GAB4: variants seen among roughly 807,000 people sequenced by gnomAD.
The protein encoded by GAB4 is GRB2 associated binding protein family member 4, also known as GRB2-associated-binding protein 4.
A neutral mutation model predicts 51.3 loss-of-function variants in GAB4; 26 were observed. The observed-to-expected ratio is 0.51, with a 90% CI of 0.37 to 0.70. The LOEUF (loss-of-function observed/expected upper bound fraction) is 0.70, where lower values mean the gene tolerates loss of function less well. Ranked by LOEUF, GAB4 falls within the 30% of genes least tolerant of loss-of-function variation. The pLI is 0.00. For synonymous variants in GAB4, 329 were observed against 291.2 expected, an observed-to-expected ratio of 1.13 and a Z score of -1.32; for missense variants, 759 against 734.6, an observed-to-expected ratio of 1.03 and a Z score of -0.38.
chr22:16,978,127 G>A (rs976274322), intron 3 of GAB4, among the ~76,000 whole-genome samples: 10 of 151,950 alleles, frequency 6.6e-5, no homozygotes, highest in Non-Finnish European at 1.2e-4. Context: ...AAGAACTAGC[G>A]AAGCAAGAGC....
chr22:16,988,253 C>T, intron 2 of GAB4, 86 bp from the exon 3 acceptor site: 4 of 855,076 alleles, frequency 4.7e-6, no homozygotes, highest in Non-Finnish European at 7.8e-6. Flanking sequence ...GGCGGTAATC[C>T]AGCACCAGCA....
At chr22:16,977,876 C>T (rs1222290177) in intron 3 of GAB4, among the ~76,000 whole-genome samples, 1 of 152,214 alleles carries the variant, frequency 6.6e-6, no homozygotes, top group Non-Finnish European at 1.5e-5. Context: ...TTAAGAAACT[C>T]ACTCAAAAAT....
At chr22:16,988,713 A>G (rs2060889409) in intron 2 of GAB4, among the ~76,000 whole-genome samples, 1 of 152,150 alleles carries the variant, frequency 6.6e-6, no homozygotes, top group Non-Finnish European at 1.5e-5. Context: ...CACACTGTTC[A>G]TCTGGCTTGC....
At chr22:17,002,024 A>G (rs960142210) in intron 1 of GAB4, among the ~76,000 whole-genome samples, 1 of 152,126 alleles carries the variant, frequency 6.6e-6, no homozygotes, top group African/African-American at 2.4e-5. Context: ...GTGCAGTATT[A>G]GGGTGGGAGT....
intron 1 of GAB4, among the ~76,000 whole-genome samples, chr22:17,006,549 G>A (rs1569115180): frequency 3.3e-5 from 5 of 152,140 alleles, no homozygotes; most frequent in Admixed American, 3.3e-4. Context: ...ATAAAGACAA[G>A]TGCACCCGTA....
intron 2 of GAB4, among the ~76,000 whole-genome samples, chr22:16,990,297 C>T (rs1601279615): frequency 6.6e-6 from 1 of 152,344 alleles, no homozygotes; most frequent in African/African-American, 2.4e-5. Context: ...TCTTTCTCAT[C>T]ACCCCATACA....
intron 2 of GAB4, 30 bp downstream of exon 2, chr22:16,991,843 C>T: frequency 6.4e-7 from 1 of 1,564,824 alleles, no homozygotes; most frequent in African/African-American, 1.3e-5. Context: ...CTCAGCCCCT[C>T]CTGAGACAGG....
intron 3 of GAB4, among the ~76,000 whole-genome samples, chr22:16,972,288 G>A (rs1021866488): frequency 6.6e-6 from 1 of 152,206 alleles, no homozygotes; most frequent in Non-Finnish European, 1.5e-5. Context: ...CCTCCCTGGT[G>A]GTGGTCAAGA....
chr22:16,979,750 C>T lies in GAB4; in HGVS notation c.686+8210G>A, dbSNP rs9606555. On this transcript the variant is annotated intron_variant, in intron 3 of 9. Transcript: ENST00000400588. The stretch of plus-strand genomic sequence containing the variant: ...GAACAAACATGGAGGCATCATGCTA[C>T]CTGACTTAAAACTATACTATGAGGC... 3.7e-3 allele frequency among the ~76,000 whole-genome samples: 567 copies of T among 152,282 alleles called. 5 individuals carry two copies. The highest frequency in any genetic ancestry group is 0.022 in the South Asian group (107 of 4,818).
At chr22:16,998,960 T>C (rs1473210562) in intron 1 of GAB4, among the ~76,000 whole-genome samples, 2 of 152,232 alleles carry the variant, frequency 1.3e-5, no homozygotes, top group Non-Finnish European at 2.9e-5. Flanking sequence ...GTGTGTATGT[T>C]GAACCAGCCT....
intron 3 of GAB4, among the ~76,000 whole-genome samples, chr22:16,975,004 T>C (rs191140728): frequency 2.0e-5 from 3 of 152,250 alleles, no homozygotes; most frequent in Admixed American, 2.0e-4. Context: ...CCTATGGTCT[T>C]CACAACTCAC....
At chr22:16,993,448 C>G (rs1240950168) in intron 1 of GAB4, among the ~76,000 whole-genome samples, 3 of 152,192 alleles carry the variant, frequency 2.0e-5, no homozygotes, top group Non-Finnish European at 4.4e-5. Flanking sequence ...GTCCTACACT[C>G]TAGGACTCCT....
At position 16,966,338 on chromosome 22, in the gene GAB4, T is replaced by C. The variant is rs748266711; in HGVS notation, c.1050A>G (p.Ser350=). The C allele has an allele frequency of 1.4e-5, 23 of 1,613,136 alleles. No individual in the cohort carries two copies. Among genetic ancestry groups the C allele is most frequent in the South Asian group, 3.3e-5 (3 of 91,074 alleles). The change falls in exon 6 of 10, where the codon TCA becomes TCG. Residue 350 remains serine (S), a synonymous_variant. Transcript: ENST00000400588. ...FLPGRTLVGL[S]DSIASEGSCV... is the part of the protein sequence containing the mutation. Reference sequence around the variant, plus strand: ...AGCTGCCCTCAGAAGCAATGCTGTCTGACAGGCCCACAAGCGTTCTTCCTG... The same window carrying C: ...AGCTGCCCTCAGAAGCAATGCTGTCCGACAGGCCCACAAGCGTTCTTCCTG...
intron 3 of GAB4, among the ~76,000 whole-genome samples, chr22:16,971,099 T>G (rs1475589738): frequency 1.3e-5 from 2 of 151,042 alleles, no homozygotes; most frequent in Non-Finnish European, 2.9e-5. Flanking sequence ...GAGGCTGAGG[T>G]GGGAGTATGG....
intron 3 of GAB4, among the ~76,000 whole-genome samples, chr22:16,977,190 A>G (rs2060785947): frequency 6.6e-6 from 1 of 152,226 alleles, no homozygotes; most frequent in African/African-American, 2.4e-5. Context: ...TTAAATGTAA[A>G]TGGGCTAAAT....
chr22:16,999,495 A>C (rs2060977826), intron 1 of GAB4, among the ~76,000 whole-genome samples: 1 of 152,052 alleles, frequency 6.6e-6, no homozygotes, highest in Admixed American at 6.5e-5. Flanking sequence ...TATCCCCTTT[A>C]TCACTTTTTA....
Position 16,965,187 on chromosome 22 carries a change from G to T in GAB4, c.1370C>A (p.Ser457Tyr). 1 of 1,612,838 alleles carries T rather than the reference G, an allele frequency of 6.2e-7. No homozygotes were observed. The highest frequency in any genetic ancestry group is 1.1e-5 in the South Asian group (1 of 90,900). The change falls in exon 7 of 10, where the codon TCT becomes TAT. Residue 457 changes from serine (S) to tyrosine (Y), a missense_variant. This residue lies in a region of GAB4 where 588 missense variants were observed against 510.2 expected (regional missense o/e 1.15). Transcript: ENST00000400588. ...SFKPPVTEPW[S>Y]GTSHTFDSSS... ...ACTGACAGACACTCACCTGGTCCCA[G>T]ACCAGGGCTCTGTGACAGGTGGCTT...
rs2060700095 is a variant in GAB4, at chr22:16,968,360, G to A, written c.961C>T (p.His321Tyr). Residue 321 changes from histidine to tyrosine, a missense_variant, in exon 5 of 10, where the codon CAT (histidine) becomes TAT (tyrosine). By Grantham distance (83) the His-to-Tyr change is moderately conservative. Coordinates refer to ENST00000400588, the MANE Select transcript of GAB4 (RefSeq NM_001037814.1). ...NEASSGKYTQ[H>Y]GGGNASRPAE... is the part of the protein sequence containing the mutation. ...GGCCGGCTGGCATTCCCTCCACCAT[G>A]CTGGGTGTACTTGCCGGAGGAAGCT... is the stretch of plus-strand genomic sequence containing the variant. The A allele has an allele frequency of 6.2e-7, 1 of 1,613,932 alleles. No homozygotes were observed. Among genetic ancestry groups the A allele is most frequent in the Admixed American group, 1.7e-5 (1 of 60,024 alleles).
intron 1 of GAB4, among the ~76,000 whole-genome samples, chr22:17,002,380 A>G (rs1327021002): frequency 6.6e-6 from 1 of 152,196 alleles, no homozygotes; most frequent in Non-Finnish European, 1.5e-5. Flanking sequence ...TCCTTTACAG[A>G]CCAGCAAATG....
Sources: gnomAD v4.1 joint callset for allele counts (sites outside exome capture counted in the v4.1 genomes callset) on GRCh38, gnomAD v4.1.1 for gene constraint, gnomAD v4.1.1 regional missense constraint, MANE v1.5 for transcripts, NCBI Gene and HGNC (gene_info 2026-07-23, HGNC 2026-07-21) for gene names.